Variants in ATP6AP1 observed in about 807,000 individuals in gnomAD.
ATP6AP1 encodes the protein V-type proton ATPase subunit S1.
In ATP6AP1, 1 loss-of-function variant was observed where a neutral mutation model predicts 32.0. The ratio of observed to expected loss-of-function variants is 0.03; its 90% CI spans 0.01 to 0.15. The LOEUF is 0.15. Ranked by LOEUF, ATP6AP1 falls within the 10% of genes least tolerant of loss-of-function variation. The probability of loss-of-function intolerance (pLI) is 1.00; values close to 1 mark genes in which losing one functional copy is unlikely to be tolerated. For synonymous variants in ATP6AP1, 187 were observed against 174.9 expected, an observed-to-expected ratio of 1.07 and a Z score of -0.55; for missense variants, 297 against 398.8, an observed-to-expected ratio of 0.74 and a Z score of 2.17.
Position 154,436,231 on chromosome X carries a change from C to A in ATP6AP1, c.*340C>A, listed in dbSNP as rs1438832898. On this transcript the variant is annotated 3_prime_UTR_variant, in exon 10 of 10. Transcript: ENST00000369762. ...GGCTGTGGATAGTGCTTTTGTGTAG[C>A]AAATGCTCCCTCCTTAAGGTTATAG... 3.7e-6 allele frequency: 1 copy of A among 266,734 alleles called. No homozygotes were observed. The highest frequency in any genetic ancestry group is 2.7e-5 in the African/African-American group (1 of 36,677). 22.0% of individuals were successfully genotyped at this position (266,734 alleles called of 1,213,427 possible). A position where few individuals can be genotyped will look rare whatever the true frequency, so the allele number is the denominator to read the frequency against.
chrX:154,435,130 G>A lies in ATP6AP1; in HGVS notation c.924-9G>A, dbSNP rs1557197421. ...GCCTCACAGTGCGCCTCTTTCTCTG[G>A]CCCCACAGGCTCTCACTGACCTATG... On this transcript the variant is annotated splice_polypyrimidine_tract_variant and intron_variant, in intron 7 of 9. Transcript: ENST00000369762. 4.1e-6 allele frequency: 5 copies of A among 1,207,508 alleles called. No individual in the cohort carries two copies. The East Asian group carries it at 1.5e-4, about 36-fold the overall frequency.
rs781797236 is a variant in ATP6AP1, at chrX:154,428,787, T to TGGCGGCGGC, written c.108_116dup (p.Ala39_Ala41dup). On this transcript the variant is annotated inframe_insertion, in exon 1 of 10. Transcript: ENST00000369762. ...CCGTGGCTGCCGGTGTTTTTGTCGT[T>TGGCGGCGGC]GGCGGCGGCGGCGGCGGCGGCAGCG... 170 of 1,124,742 alleles carry TGGCGGCGGC rather than the reference T, an allele frequency of 1.5e-4. 1 individual carries two copies. The African/African-American group carries it at 2.5e-3, about 17-fold the overall frequency. 92.7% of individuals were successfully genotyped at this position (1,124,742 alleles called of 1,213,427 possible).
intron 3 of ATP6AP1, 129 bp downstream of exon 3, chrX:154,432,033 C>G (rs782081475): frequency 1.4e-5 from 11 of 761,586 alleles, no homozygotes; most frequent in Admixed American, 5.9e-5. Context: ...ACCATCCCCC[C>G]CAAAAACAAC....
In ATP6AP1 at chrX:154,432,408, T is replaced by A. The variant is rs781826979; in HGVS notation, c.506T>A (p.Leu169His). Reference protein sequence around the residue: ...VDLATLRELKLNASLPALLLI... With the variant: ...VDLATLRELKHNASLPALLLI... The stretch of plus-strand genomic sequence containing the variant: ...CTGGCCACCCTGCGGGAGCTGAAGC[T>A]CAATGCCAGCCTCCCTGCTCTGCTG... The change falls in exon 4 of 10, where the codon CTC (leucine) becomes CAC (histidine). Residue 169 changes from leucine to histidine, a missense_variant. This residue lies in a region of ATP6AP1 where 142 missense variants were observed against 145.0 expected (regional missense o/e 0.98). Coordinates refer to ENST00000369762, the MANE Select transcript of ATP6AP1 (RefSeq NM_001183.6). The A allele has an allele frequency of 8.3e-7, 1 of 1,205,110 alleles. No individual in the cohort carries two copies. Among genetic ancestry groups the A allele is most frequent in the Non-Finnish European group, 1.1e-6 (1 of 892,132 alleles).
chrX:154,428,852 C>T lies in ATP6AP1; in HGVS notation c.160C>T (p.Arg54Trp). Residue 54 changes from arginine to tryptophan, a missense_variant and splice_region_variant, in exon 1 of 10, where the codon CGG (arginine) becomes TGG (tryptophan). By Grantham distance (101) the Arg-to-Trp change is moderately radical. This residue lies in a region of ATP6AP1 where 142 missense variants were observed against 145.0 expected (regional missense o/e 0.98). Coordinates refer to ENST00000369762, the MANE Select transcript of ATP6AP1 (RefSeq NM_001183.6). ...CCCGCTGGTGCTGTGGTCGAGTGAC[C>T]GGTGAGCGGGCCGGGGTGGGATGCG... The part of the protein sequence containing the change: ...QVPLVLWSSD[R>W]DLWAPAADTH... 1 of 1,090,120 alleles carries T rather than the reference C, an allele frequency of 9.2e-7. No homozygotes were observed. Among genetic ancestry groups the T allele is most frequent in the Non-Finnish European group, 1.2e-6 (1 of 845,067 alleles). 89.8% of individuals were successfully genotyped at this position (1,090,120 alleles called of 1,213,427 possible).
rs1399043946 is a variant in ATP6AP1 at position 154,436,065 on chromosome X, C to T, written c.*174C>T. The T allele has an allele frequency of 2.1e-6, 1 of 478,245 alleles. No individual in the cohort carries two copies. The highest frequency in any genetic ancestry group is 3.5e-6 in the Non-Finnish European group (1 of 283,653). 39.4% of individuals were successfully genotyped at this position (478,245 alleles called of 1,213,427 possible). ...GCTGAGGAGCTTTCTTGGGCTGCCC[C>T]CATCTCTCCCAACAAGGTGTACATA... On this transcript the variant is annotated 3_prime_UTR_variant, in exon 10 of 10. Coordinates refer to ENST00000369762, the MANE Select transcript of ATP6AP1 (RefSeq NM_001183.6).
rs782814983 is a variant in ATP6AP1 at position 154,432,307 on chromosome X, C to G, written c.405C>G (p.Ala135=). The part of the protein sequence containing the change: ...DLAPSSLVLP[A]VDWYAVSTLT... ...CCCCCTCCTCACTGGTGCTTCCTGC[C>G]GTCGACTGGTATGCAGTCAGCACTC... The change falls in exon 4 of 10, where the codon GCC becomes GCG. Residue 135 remains alanine, a synonymous_variant. Transcript: ENST00000369762. 1.7e-6 allele frequency: 2 copies of G among 1,210,874 alleles called. No homozygotes were observed. The highest frequency in any genetic ancestry group is 2.2e-6 in the Non-Finnish European group (2 of 894,681).
At chrX:154,434,551 T>G in intron 7 of ATP6AP1, 105 bp downstream of exon 7, 1 of 819,856 alleles carries the variant, frequency 1.2e-6, no homozygotes. Context: ...TGTTTTGGGG[T>G]GGGGATGGCC....
At chrX:154,435,611 C>CG (rs1218197771) in intron 9 of ATP6AP1, 71 bp from the exon 10 acceptor site, 197 of 1,169,507 alleles carry the variant, frequency 1.7e-4, no homozygotes, top group Admixed American at 2.2e-4. Flanking sequence ...CCTGTCCCTG[C>CG]GCTGCCCCTG....
At chrX:154,431,689 C>T in intron 2 of ATP6AP1, 141 bp from the exon 3 acceptor site, 1 of 543,070 alleles carries the variant, frequency 1.8e-6, no homozygotes, top group East Asian at 3.4e-5. Context: ...CACCAACACA[C>T]AGTTGTGCTC....
chrX:154,436,072 T>C lies in ATP6AP1; in HGVS notation c.*181T>C. The stretch of plus-strand genomic sequence containing the variant: ...AGCTTTCTTGGGCTGCCCCCATCTC[T>C]CCCAACAAGGTGTACATATTCTGCG... On this transcript the variant is annotated 3_prime_UTR_variant, in exon 10 of 10. Transcript: ENST00000369762. 1 of 473,786 alleles carries C rather than the reference T, an allele frequency of 2.1e-6. No individual in the cohort carries two copies. 39.0% of individuals were successfully genotyped at this position (473,786 alleles called of 1,213,427 possible).
intron 7 of ATP6AP1, 72 bp from the exon 8 acceptor site, chrX:154,435,067 G>A: frequency 1.8e-6 from 2 of 1,131,156 alleles, no homozygotes; most frequent in Non-Finnish European, 2.4e-6. Context: ...GCAGAGCTGA[G>A]GAACTTGTTC....
chrX:154,432,052 C>A, intron 3 of ATP6AP1, 148 bp downstream of exon 3: 2 of 703,504 alleles, frequency 2.8e-6, no homozygotes, highest in African/African-American at 2.1e-5. Flanking sequence ...ACAACAACAA[C>A]AAAAGCCACC....
rs1049404900 is a variant in ATP6AP1, at chrX:154,435,612, G to A, written c.1204-70G>A. The stretch of plus-strand genomic sequence containing the variant: ...ATGTAGTTGAGAGTCCTGTCCCTGC[G>A]CTGCCCCTGTCCCAGTTCTTGCTGG... On this transcript the variant is annotated intron_variant, in intron 9 of 9. Transcript: ENST00000369762. 106 of 1,171,588 alleles carry A rather than the reference G, an allele frequency of 9.0e-5. 1 individual carries two copies. Among genetic ancestry groups the A allele is most frequent in the Non-Finnish European group, 1.1e-4 (94 of 862,365 alleles).
intron 2 of ATP6AP1, chrX:154,431,603 C>T: frequency 4.7e-6 from 2 of 423,556 alleles, no homozygotes; most frequent in Non-Finnish European, 8.2e-6. Flanking sequence ...TCTCCCCACC[C>T]CATGACTGCC....
chrX:154,433,461 G>A (rs1557197151), intron 5 of ATP6AP1, among the ~76,000 whole-genome samples, 174 bp from the exon 6 acceptor site: 1 of 111,602 alleles, frequency 9.0e-6, no homozygotes, highest in Non-Finnish European at 1.9e-5. Flanking sequence ...TTGTCTCTGG[G>A]GGAGGCTGGG....
intron 3 of ATP6AP1, 55 bp from the exon 4 acceptor site, chrX:154,432,211 G>A (rs1371202282): frequency 9.2e-7 from 1 of 1,084,535 alleles, no homozygotes; most frequent in East Asian, 3.1e-5. Context: ...TGGGGGGCTG[G>A]GCCAGGCCCA....
In ATP6AP1 at chrX:154,434,372, G is replaced by C. The variant is rs781828275; in HGVS notation, c.849G>C (p.Glu283Asp). ...CTGTGGCGTACAAGGACCAGTGGGA[G>C]GACCTGACTCCCCTCACCTTTGGGG... is the stretch of plus-strand genomic sequence containing the variant. Reference protein sequence around the residue: ...NFSVAYKDQWEDLTPLTFGVQ... With the variant: ...NFSVAYKDQWDDLTPLTFGVQ... The change falls in exon 7 of 10, where the codon GAG becomes GAC. Residue 283 changes from glutamate to aspartate, a missense_variant. Physicochemically the swap from Glu to Asp is conservative, Grantham distance 45 (BLOSUM62 2). This residue lies in a region of ATP6AP1 where 155 missense variants were observed against 253.8 expected (regional missense o/e 0.61). Transcript: ENST00000369762. 6 of 1,212,190 alleles carry C rather than the reference G, an allele frequency of 4.9e-6. No individual in the cohort carries two copies. Among genetic ancestry groups the C allele is most frequent in the Non-Finnish European group, 4.5e-6 (4 of 895,577 alleles).
intron 4 of ATP6AP1, 131 bp from the exon 5 acceptor site, chrX:154,432,800 G>A: frequency 1.3e-6 from 1 of 783,310 alleles, no homozygotes; most frequent in Non-Finnish European, 1.9e-6. Context: ...CCAGGAGGGG[G>A]CACTGAGGTA....
Sources: allele counts gnomAD v4.1 joint callset (sites outside exome capture counted in the v4.1 genomes callset), GRCh38; gene constraint gnomAD v4.1.1; regional missense constraint gnomAD v4.1.1; transcripts MANE v1.5; gene names NCBI Gene and HGNC (gene_info 2026-07-23, HGNC 2026-07-21).